The following TSHZ2 variants were observed in gnomAD, a reference collection of about 807,000 sequenced individuals.
TSHZ2 encodes the protein teashirt zinc finger homeobox 2, also known as teashirt homolog 2.
In TSHZ2, 21 loss-of-function variants were observed where a neutral mutation model predicts 74.4. That is an observed-to-expected ratio of 0.28 (90% CI 0.20 to 0.41). The LOEUF is 0.41. TSHZ2 is among the 10% of genes least tolerant of loss of function. The pLI is 1.00. For synonymous variants in TSHZ2, 540 were observed against 515.3 expected, an observed-to-expected ratio of 1.05 and a Z score of -0.65; for missense variants, 1,244 against 1,293.5, an observed-to-expected ratio of 0.96 and a Z score of 0.59.
At chr20:53,192,628 A>G (rs1988765882) in intron 1 of TSHZ2, among the ~76,000 whole-genome samples, 1 of 151,900 alleles carries the variant, frequency 6.6e-6, no homozygotes, top group African/African-American at 2.4e-5. Flanking sequence ...GGGACAGGGC[A>G]GAATGTAAAG....
At chr20:53,096,569 C>T (rs187192647) in intron 1 of TSHZ2, among the ~76,000 whole-genome samples, 3 of 151,500 alleles carry the variant, frequency 2.0e-5, no homozygotes. Flanking sequence ...TTATCATAAG[C>T]ATCATCATCA....
intron 2 of TSHZ2, among the ~76,000 whole-genome samples, chr20:53,454,263 C>A (rs575671531): frequency 6.6e-6 from 1 of 152,126 alleles, no homozygotes. Flanking sequence ...CCCGTGGAGC[C>A]CTTTAAAATG....
chr20:53,023,047 A>G (rs1983304843), intron 1 of TSHZ2, among the ~76,000 whole-genome samples: 1 of 152,140 alleles, frequency 6.6e-6, no homozygotes, highest in South Asian at 2.1e-4. Flanking sequence ...TCCTGACTCC[A>G]TATAAAAGTA....
chr20:53,438,753 G>A (rs1300726224), intron 2 of TSHZ2, among the ~76,000 whole-genome samples: 1 of 152,174 alleles, frequency 6.6e-6, no homozygotes, highest in Non-Finnish European at 1.5e-5. Flanking sequence ...CTGAGGTCAG[G>A]AGTTCGAGAC....
chr20:53,182,718 T>C (rs1988511274), intron 1 of TSHZ2, among the ~76,000 whole-genome samples: 1 of 152,202 alleles, frequency 6.6e-6, no homozygotes, highest in African/African-American at 2.4e-5. Context: ...CAGGAGGGTT[T>C]TCTGCCAAAT....
intron 1 of TSHZ2, among the ~76,000 whole-genome samples, chr20:53,130,398 G>C (rs888578385): frequency 6.6e-6 from 1 of 152,168 alleles, no homozygotes; most frequent in African/African-American, 2.4e-5. Flanking sequence ...ACCAAGGTGT[G>C]CAAATCACTT....
At chr20:53,145,897 G>A (rs2123427099) in intron 1 of TSHZ2, among the ~76,000 whole-genome samples, 1 of 152,260 alleles carries the variant, frequency 6.6e-6, no homozygotes, top group Non-Finnish European at 1.5e-5. Flanking sequence ...ATGACTGAAT[G>A]GTAATAAATA....
intron 2 of TSHZ2, among the ~76,000 whole-genome samples, chr20:53,392,368 T>A (rs572614357): frequency 4.6e-5 from 7 of 152,180 alleles, no homozygotes; most frequent in South Asian, 4.1e-4. Flanking sequence ...CACTTGAACC[T>A]GGGAGGCAGA....
chr20:53,443,818 T>C (rs1227543742), intron 2 of TSHZ2, among the ~76,000 whole-genome samples: 2 of 152,014 alleles, frequency 1.3e-5, no homozygotes, highest in African/African-American at 4.8e-5. Context: ...GGAGCAGAGA[T>C]AATTAGTTGA....
intron 2 of TSHZ2, among the ~76,000 whole-genome samples, chr20:53,409,974 G>C (rs1982993922): frequency 6.7e-6 from 1 of 148,530 alleles, no homozygotes. Context: ...AGCCTCTTGA[G>C]TACCTGGGAT....
chr20:53,255,775 A>G lies in TSHZ2; in HGVS notation c.2317A>G (p.Lys773Glu). The change falls in exon 2 of 3, where the codon AAG becomes GAG. Residue 773 changes from lysine to glutamate, a missense_variant. Physicochemically the swap from Lys to Glu is moderately conservative, Grantham distance 56. Transcript: ENST00000371497. This position sits in a 1 kb window ranked among gnomAD's most constrained non-coding sequence, Gnocchi z 4.1. ...QPIDLTKSKSKKAESSQAQSC... is the reference protein window; with the variant it reads ...QPIDLTKSKSEKAESSQAQSC... The stretch of plus-strand genomic sequence containing the variant: ...CATTGACCTGACCAAGTCCAAAAGC[A>G]AGAAAGCCGAGTCCTCGCAAGCACA... 6.2e-7 allele frequency: 1 copy of G among 1,613,974 alleles called. No homozygotes were observed. The highest frequency in any genetic ancestry group is 1.3e-5 in the African/African-American group (1 of 74,994).
At chr20:53,239,249 G>C (rs1048175431) in intron 1 of TSHZ2, among the ~76,000 whole-genome samples, 1 of 152,104 alleles carries the variant, frequency 6.6e-6, no homozygotes, top group African/African-American at 2.4e-5. Flanking sequence ...AGTCATTAAG[G>C]GTGTGTTGGA....
At chr20:53,455,392 G>A (rs996435106) in intron 2 of TSHZ2, 2 of 151,760 alleles carry the variant, frequency 1.3e-5, no homozygotes, top group African/African-American at 4.8e-5. Context: ...CCCAGTAATG[G>A]GCCTGAAGCA....
chr20:53,408,048 A>C (rs1982912147), intron 2 of TSHZ2, among the ~76,000 whole-genome samples: 1 of 152,240 alleles, frequency 6.6e-6, no homozygotes, highest in Non-Finnish European at 1.5e-5. Context: ...GTTAACAAAC[A>C]TGAGACCCTC....
intron 2 of TSHZ2, among the ~76,000 whole-genome samples, chr20:53,404,686 C>T (rs1982780302): frequency 6.6e-6 from 1 of 152,142 alleles, no homozygotes; most frequent in African/African-American, 2.4e-5. Flanking sequence ...CGTTCTCACA[C>T]ATAAATATAA....
At chr20:53,180,242 A>G (rs1219164716) in intron 1 of TSHZ2, among the ~76,000 whole-genome samples, 1 of 152,226 alleles carries the variant, frequency 6.6e-6, no homozygotes, top group African/African-American at 2.4e-5. Flanking sequence ...CAGCAGAAAG[A>G]GCACATTACC....
At chr20:53,246,117 G>T (rs1474834359) in intron 1 of TSHZ2, among the ~76,000 whole-genome samples, 2 of 149,592 alleles carry the variant, frequency 1.3e-5, no homozygotes, top group Non-Finnish European at 3.0e-5. Flanking sequence ...TCAGCTCTCT[G>T]CAACCTCCGC....
intron 1 of TSHZ2, among the ~76,000 whole-genome samples, chr20:53,123,029 A>G (rs1212414362): frequency 6.6e-6 from 1 of 152,216 alleles, no homozygotes; most frequent in African/African-American, 2.4e-5. Flanking sequence ...AGCACCACCC[A>G]TAACTACATG....
chr20:53,373,890 A>T (rs936058576), intron 2 of TSHZ2, among the ~76,000 whole-genome samples: 1 of 152,188 alleles, frequency 6.6e-6, no homozygotes, highest in Non-Finnish European at 1.5e-5. Context: ...TTAAAAACAG[A>T]CCAGATCACC....
Sources: gnomAD v4.1 joint callset for allele counts (sites outside exome capture counted in the v4.1 genomes callset) on GRCh38, gnomAD v4.1.1 for gene constraint, Gnocchi (gnomAD v3.1) non-coding constraint, MANE v1.5 for transcripts, NCBI Gene and HGNC (gene_info 2026-07-23, HGNC 2026-07-21) for gene names.